The following MAGI1 variants were observed in gnomAD, a reference collection of about 807,000 sequenced individuals.
MAGI1 encodes membrane associated guanylate kinase, WW and PDZ domain containing 1, also known as membrane-associated guanylate kinase, WW and PDZ domain-containing protein 1.
A neutral mutation model predicts 139.9 loss-of-function variants in MAGI1; 58 were observed. That is an observed-to-expected ratio of 0.41 (90% CI 0.34 to 0.52). The LOEUF (loss-of-function observed/expected upper bound fraction) is 0.52. MAGI1 is among the 20% of genes least tolerant of loss of function. The pLI, the probability that MAGI1 is intolerant of heterozygous loss-of-function variation, is 0.12. For missense variants in MAGI1, 1,874 were observed against 1,901.6 expected (o/e 0.99, Z 0.27); for synonymous variants, 812 against 737.9 (o/e 1.10, Z -1.63).
chr3:65,517,910 T>C (rs1337358145), intron 2 of MAGI1, among the ~76,000 whole-genome samples: 1 of 152,204 alleles, frequency 6.6e-6, no homozygotes, highest in Non-Finnish European at 1.5e-5. Flanking sequence ...TTGAAAAACC[T>C]AGTATGATTT....
At chr3:65,916,353 G>T (rs188524471) in intron 1 of MAGI1, among the ~76,000 whole-genome samples, 1 of 152,086 alleles carries the variant, frequency 6.6e-6, no homozygotes, top group Non-Finnish European at 1.5e-5. Flanking sequence ...CATGCTGCTT[G>T]ATAAAGACAT....
At chr3:65,583,177 G>A (rs888874046) in intron 2 of MAGI1, among the ~76,000 whole-genome samples, 6 of 152,122 alleles carry the variant, frequency 3.9e-5, no homozygotes, top group African/African-American at 1.4e-4. Flanking sequence ...ACAGTCACAT[G>A]TGGCTAGTGA....
chr3:65,936,719 G>A (rs568033828), intron 1 of MAGI1, among the ~76,000 whole-genome samples: 3 of 152,070 alleles, frequency 2.0e-5, no homozygotes, highest in Admixed American at 1.3e-4. Flanking sequence ...AGTCTCGTGC[G>A]GGGTGTGTGT....
At chr3:65,758,866 C>T (rs1559854668) in intron 1 of MAGI1, among the ~76,000 whole-genome samples, 1 of 152,000 alleles carries the variant, frequency 6.6e-6, no homozygotes, top group Non-Finnish European at 1.5e-5. Flanking sequence ...CCAACAAACA[C>T]CTCCAAGAAT....
At chr3:65,456,833 G>C (rs80309001) in intron 5 of MAGI1, among the ~76,000 whole-genome samples, 2,051 of 152,156 alleles carry the variant, frequency 0.013, 48 homozygotes, top group African/African-American at 0.047. Context: ...AAATCAGTTG[G>C]GCACACTTAT....
At chr3:65,764,329 G>C (rs114123177) in intron 1 of MAGI1, among the ~76,000 whole-genome samples, 1 of 151,964 alleles carries the variant, frequency 6.6e-6, no homozygotes, top group African/African-American at 2.4e-5. Context: ...ACTTATGGTT[G>C]TGATTCATTC....
intron 1 of MAGI1, among the ~76,000 whole-genome samples, chr3:65,664,894 TG>T (rs1005593775): frequency 1.3e-5 from 2 of 152,194 alleles, no homozygotes; most frequent in African/African-American, 2.4e-5. Context: ...ATTGTAGTGC[TG>T]AAGTCTATAT....
intron 1 of MAGI1, among the ~76,000 whole-genome samples, chr3:65,988,616 C>T (rs956388882): frequency 6.6e-6 from 1 of 152,174 alleles, no homozygotes; most frequent in South Asian, 2.1e-4. Context: ...ATAATCAGAT[C>T]AGCCTGTAGT....
At chr3:65,441,976 A>G (rs1948369310) in intron 8 of MAGI1, among the ~76,000 whole-genome samples, 1 of 152,150 alleles carries the variant, frequency 6.6e-6, no homozygotes, top group African/African-American at 2.4e-5. Context: ...TCAGTGTGGC[A>G]GGTACGATTA....
chr3:65,934,353 TC>T (rs2062948035), intron 1 of MAGI1, among the ~76,000 whole-genome samples: 1 of 151,456 alleles, frequency 6.6e-6, no homozygotes, highest in Non-Finnish European at 1.5e-5. Flanking sequence ...TGTCTCAGCC[TC>T]CCAAAATGGT....
intron 1 of MAGI1, among the ~76,000 whole-genome samples, chr3:65,850,030 T>C (rs1443806833): frequency 6.6e-6 from 1 of 152,222 alleles, no homozygotes; most frequent in African/African-American, 2.4e-5. Context: ...ATATCATTTA[T>C]ATACTATTAT....
At chr3:65,664,357 G>A (rs997777689) in intron 1 of MAGI1, among the ~76,000 whole-genome samples, 1 of 152,114 alleles carries the variant, frequency 6.6e-6, no homozygotes, top group East Asian at 1.9e-4. Context: ...AAGGCTAATA[G>A]CGCTTATTCA....
At chr3:65,786,532 G>A (rs1164771152) in intron 1 of MAGI1, among the ~76,000 whole-genome samples, 1 of 151,518 alleles carries the variant, frequency 6.6e-6, no homozygotes, top group Non-Finnish European at 1.5e-5. Flanking sequence ...TGAACTCCTG[G>A]GCTTAAGCAA....
intron 1 of MAGI1, among the ~76,000 whole-genome samples, chr3:65,995,491 T>C (rs1165216607): frequency 2.0e-5 from 3 of 151,932 alleles, no homozygotes; most frequent in Non-Finnish European, 4.4e-5. Context: ...AGAGGACACA[T>C]CCTTTTCATC....
At chr3:65,441,351 G>T (rs973263067) in intron 8 of MAGI1, among the ~76,000 whole-genome samples, 1 of 152,046 alleles carries the variant, frequency 6.6e-6, no homozygotes, top group Non-Finnish European at 1.5e-5. Context: ...TAAAAAGCTA[G>T]GCTTTATTTT....
intron 1 of MAGI1, among the ~76,000 whole-genome samples, chr3:65,901,215 T>C (rs1230235238): frequency 6.6e-6 from 1 of 151,884 alleles, no homozygotes; most frequent in East Asian, 1.9e-4. Flanking sequence ...AAGGAAAAAA[T>C]AAAAGATGAC....
chr3:65,869,491 C>A (rs1034306753), intron 1 of MAGI1, among the ~76,000 whole-genome samples: 1 of 150,928 alleles, frequency 6.6e-6, no homozygotes, highest in Middle Eastern at 3.4e-3. Context: ...AGCTCCACCC[C>A]CCAGGTTCAC....
intron 1 of MAGI1, among the ~76,000 whole-genome samples, chr3:65,800,012 G>C (rs1490599865): frequency 6.6e-6 from 1 of 152,166 alleles, no homozygotes; most frequent in Non-Finnish European, 1.5e-5. Context: ...CAGACTTCCT[G>C]AAGGTTCCGA....
At chr3:65,966,732 G>A (rs2064765931) in intron 1 of MAGI1, among the ~76,000 whole-genome samples, 1 of 152,194 alleles carries the variant, frequency 6.6e-6, no homozygotes, top group African/African-American at 2.4e-5. Flanking sequence ...ATCTGCAAGT[G>A]GGGATAATCT....
Sources: gnomAD v4.1 joint callset for allele counts (sites outside exome capture counted in the v4.1 genomes callset) on GRCh38, gnomAD v4.1.1 for gene constraint, MANE v1.5 for transcripts, NCBI Gene and HGNC (gene_info 2026-07-23, HGNC 2026-07-21) for gene names.